Variants in AGAP1 observed in about 807,000 individuals in gnomAD.
The protein encoded by AGAP1 is arf-GAP with GTPase, ANK repeat and PH domain-containing protein 1.
In AGAP1, 29 loss-of-function variants were observed where a neutral mutation model predicts 105.3. The ratio of observed to expected loss-of-function variants is 0.28; its 90% CI spans 0.21 to 0.38. The LOEUF (loss-of-function observed/expected upper bound fraction) is 0.38. AGAP1 is among the 10% of genes least tolerant of loss of function. The probability of loss-of-function intolerance (pLI) is 1.00; values close to 1 mark genes in which losing one functional copy is unlikely to be tolerated. For synonymous variants in AGAP1, 509 were observed against 485.9 expected (o/e 1.05, Z -0.63); for missense variants, 998 against 1,165.1 (o/e 0.86, Z 2.09).
intron 1 of AGAP1, among the ~76,000 whole-genome samples, chr2:235,688,014 G>A (rs1422577078): frequency 2.8e-5 from 4 of 141,928 alleles, no homozygotes; most frequent in African/African-American, 7.9e-5. Context: ...CCATTCTCCC[G>A]CCTCAGCCTC....
Position 235,571,613 on chromosome 2 carries a change from A to G in AGAP1, c.163+76764A>G, listed in dbSNP as rs1425218903. ...AACCCATTTCCTTGGTTCTTTTCCA[A>G]TACTTATTTCCTGGGTAGCCCTTTG... is the stretch of plus-strand genomic sequence containing the variant. On this transcript the variant is annotated intron_variant, in intron 1 of 17. Transcript: ENST00000304032. Among the ~76,000 whole-genome samples, 4 of 152,134 alleles carry G rather than the reference A, an allele frequency of 2.6e-5. No homozygotes were observed. The East Asian group carries it at 5.8e-4, about 22-fold the overall frequency.
intron 1 of AGAP1, among the ~76,000 whole-genome samples, chr2:235,699,076 C>G (rs879756633): frequency 1.3e-5 from 2 of 151,342 alleles, no homozygotes; most frequent in South Asian, 4.2e-4. Flanking sequence ...ACATCCCCCC[C>G]CCCCACCCCA....
intron 11 of AGAP1, among the ~76,000 whole-genome samples, chr2:235,928,064 C>G (rs1252618852): frequency 6.6e-6 from 1 of 152,214 alleles, no homozygotes; most frequent in Non-Finnish European, 1.5e-5. Flanking sequence ...AAGTGCCTGG[C>G]ACAGCAGTCA....
intron 16 of AGAP1, among the ~76,000 whole-genome samples, chr2:236,098,580 T>G (rs1020700099): frequency 6.6e-6 from 1 of 150,568 alleles, no homozygotes; most frequent in African/African-American, 2.5e-5. Context: ...AAAAATAAAT[T>G]AAATTAAAAT....
chr2:236,014,697 A>G lies in AGAP1; in HGVS notation c.1646-21864A>G. 1 of 359,598 alleles carries G rather than the reference A, an allele frequency of 2.8e-6. No individual in the cohort carries two copies. The allele number at this position is 359,598 out of a possible 1,614,324, so 22.3% of individuals were successfully genotyped here. A position where few individuals can be genotyped will look rare whatever the true frequency, so the allele number is the denominator to read the frequency against. On this transcript the variant is annotated intron_variant, in intron 13 of 17. Transcript: ENST00000304032. The surrounding 1 kb of genome is among the most constrained non-coding windows in gnomAD (Gnocchi z 6.3). ...GCTTCGCGCAGACAGCTCGGAGGCA[A>G]CGTCACGTGCTACTTTGACCTTTTT...
rs1042542106 is a variant in AGAP1, at chr2:235,659,785, T to C, written c.164-49394T>C. ...TAGTGTATATTTCTTTGTCTCTCAG[T>C]TGGGGCCCTGGCCTCTGCAGATAAG... On this transcript the variant is annotated intron_variant, in intron 1 of 17. Coordinates refer to ENST00000304032, the MANE Select transcript of AGAP1 (RefSeq NM_001037131.3). The surrounding 1 kb of genome is among the most constrained non-coding windows in gnomAD (Gnocchi z 5.0). Among the ~76,000 whole-genome samples the C allele has an allele frequency of 5.9e-5, 9 of 152,224 alleles. No homozygotes were observed. The highest frequency in any genetic ancestry group is 1.3e-4 in the Admixed American group (2 of 15,274).
intron 16 of AGAP1, among the ~76,000 whole-genome samples, chr2:236,118,945 G>T (rs1490139442): frequency 6.6e-6 from 1 of 152,090 alleles, no homozygotes; most frequent in Non-Finnish European, 1.5e-5. Flanking sequence ...TACAGGAGCT[G>T]CTCGCCTGGG....
chr2:235,784,831 A>G (rs1956521059), intron 6 of AGAP1, among the ~76,000 whole-genome samples: 1 of 152,186 alleles, frequency 6.6e-6, no homozygotes, highest in Admixed American at 6.5e-5. Context: ...AACTTCACGT[A>G]TCAGAAAAGG....
At position 236,035,737 on chromosome 2, in the gene AGAP1, C is replaced by T. The variant is rs911034573; in HGVS notation, c.1646-824C>T. On this transcript the variant is annotated intron_variant, in intron 13 of 17. Transcript: ENST00000304032. The surrounding 1 kb of genome is among the most constrained non-coding windows in gnomAD (Gnocchi z 4.2). The stretch of plus-strand genomic sequence containing the variant: ...AGGGACAGGAATAATGAACAGAGGC[C>T]GACGTGGATCTGTGGAGTGTCTCCT... Among the ~76,000 whole-genome samples the T allele has an allele frequency of 6.6e-6, 1 of 152,084 alleles. No homozygotes were observed. Among genetic ancestry groups the T allele is most frequent in the Non-Finnish European group, 1.5e-5 (1 of 68,022 alleles).
intron 16 of AGAP1, among the ~76,000 whole-genome samples, chr2:236,100,912 A>T (rs1024845107): frequency 6.6e-6 from 1 of 151,916 alleles, no homozygotes; most frequent in Non-Finnish European, 1.5e-5. Flanking sequence ...AACGCCATCC[A>T]GTCTGTAATA....
rs75462634 is a variant in AGAP1, at chr2:236,042,713, G to A, written c.1891+1872G>A. 9.2e-5 allele frequency among the ~76,000 whole-genome samples: 14 copies of A among 152,238 alleles called. No individual in the cohort carries two copies. The highest frequency in any genetic ancestry group is 4.6e-4 in the Admixed American group (7 of 15,302). On this transcript the variant is annotated intron_variant, in intron 15 of 17. Coordinates refer to ENST00000304032, the MANE Select transcript of AGAP1 (RefSeq NM_001037131.3). This position sits in a 1 kb window ranked among gnomAD's most constrained non-coding sequence, Gnocchi z 5.6. ...AGCTTGTGCATGTGAGTGCGGATGGGGGGTGGGAAAGGGAGGCCAGTGCAG... is the reference window on the plus strand; with the variant it reads ...AGCTTGTGCATGTGAGTGCGGATGGAGGGTGGGAAAGGGAGGCCAGTGCAG...
chr2:236,113,012 C>T lies in AGAP1; in HGVS notation c.2115-7180C>T, dbSNP rs1029950809. On this transcript the variant is annotated intron_variant, in intron 16 of 17. Coordinates refer to ENST00000304032, the MANE Select transcript of AGAP1 (RefSeq NM_001037131.3). The surrounding 1 kb of genome is among the most constrained non-coding windows in gnomAD (Gnocchi z 4.3). The stretch of plus-strand genomic sequence containing the variant: ...TTCTAGGCTCTCCACTGTTTTTCCC[C>T]TTTTGAAACTTGCAATAAAATCTAC... 6.6e-6 allele frequency among the ~76,000 whole-genome samples: 1 copy of T among 152,358 alleles called. No homozygotes were observed. The highest frequency in any genetic ancestry group is 3.4e-3 in the Middle Eastern group (1 of 294).
rs1258006973 is a variant in AGAP1, at chr2:235,712,094, G to A, written c.222+2857G>A. Among the ~76,000 whole-genome samples the A allele has an allele frequency of 1.3e-5, 2 of 151,722 alleles. No homozygotes were observed. The highest frequency in any genetic ancestry group is 2.9e-5 in the Non-Finnish European group (2 of 67,960). On this transcript the variant is annotated intron_variant, in intron 2 of 17. Coordinates refer to ENST00000304032, the MANE Select transcript of AGAP1 (RefSeq NM_001037131.3). The surrounding 1 kb of genome is among the most constrained non-coding windows in gnomAD (Gnocchi z 6.0). ...GGCTGGAGTGCAGTGGCGCCATCTC[G>A]GCTCACTGCAACCTGCCTCCTGGGT...
chr2:235,896,535 T>G (rs529002907), intron 10 of AGAP1, among the ~76,000 whole-genome samples: 1 of 152,188 alleles, frequency 6.6e-6, no homozygotes, highest in East Asian at 1.9e-4. Flanking sequence ...CTGGGCCCAG[T>G]CCTGACCACA....
chr2:235,817,270 C>T (rs879860033), intron 9 of AGAP1, among the ~76,000 whole-genome samples: 2 of 152,012 alleles, frequency 1.3e-5, no homozygotes, highest in Non-Finnish European at 2.9e-5. Context: ...TTCTCCCTCA[C>T]ACACCCCTAT....
rs182177498 is a variant in AGAP1 at position 235,643,898 on chromosome 2, G to A, written c.164-65281G>A. Among the ~76,000 whole-genome samples, 359 of 152,214 alleles carry A rather than the reference G, an allele frequency of 2.4e-3. 4 individuals are homozygous for A. Among genetic ancestry groups the A allele is most frequent in the African/African-American group, 8.0e-3 (333 of 41,504 alleles). On this transcript the variant is annotated intron_variant, in intron 1 of 17. Coordinates refer to ENST00000304032, the MANE Select transcript of AGAP1 (RefSeq NM_001037131.3). ...GCCAGCATACACATTTGGTTCTTCTGTGTCCTGTGATCTTCCTCTGAGTGA... is the reference window on the plus strand; with the variant it reads ...GCCAGCATACACATTTGGTTCTTCTATGTCCTGTGATCTTCCTCTGAGTGA...
chr2:235,873,851 C>G (rs1195333687), intron 9 of AGAP1, among the ~76,000 whole-genome samples: 1 of 152,022 alleles, frequency 6.6e-6, no homozygotes, highest in Non-Finnish European at 1.5e-5. Context: ...CCTCAGCTTC[C>G]CGGGTAGCTG....
Position 235,675,070 on chromosome 2 carries a change from C to T in AGAP1, c.164-34109C>T, listed in dbSNP as rs1022204750. Among the ~76,000 whole-genome samples, 5 of 151,758 alleles carry T rather than the reference C, an allele frequency of 3.3e-5. No homozygotes were observed. The East Asian group carries it at 5.8e-4, about 18-fold the overall frequency. On this transcript the variant is annotated intron_variant, in intron 1 of 17. Coordinates refer to ENST00000304032, the MANE Select transcript of AGAP1 (RefSeq NM_001037131.3). Reference sequence around the variant, plus strand: ...AAAACAAACAGCCTTCAGTGGAGAACGTGAGGACACAGCAATTAAATGAAA... The same window carrying T: ...AAAACAAACAGCCTTCAGTGGAGAATGTGAGGACACAGCAATTAAATGAAA...
At chr2:236,015,475 G>A (rs574988277) in intron 13 of AGAP1, among the ~76,000 whole-genome samples, 5 of 152,122 alleles carry the variant, frequency 3.3e-5, no homozygotes, top group Non-Finnish European at 4.4e-5. Context: ...TTTTTTCACC[G>A]AAGACAGCCG....
Sources: gnomAD v4.1 joint callset for allele counts (sites outside exome capture counted in the v4.1 genomes callset) on GRCh38, gnomAD v4.1.1 for gene constraint, Gnocchi (gnomAD v3.1) non-coding constraint, MANE v1.5 for transcripts, NCBI Gene and HGNC (gene_info 2026-07-23, HGNC 2026-07-21) for gene names.